Variants in BIN2 observed in about 807,000 individuals in gnomAD.
BIN2 encodes breast cancer associated protein BRAP1.
In BIN2, 43 loss-of-function variants were observed where a neutral mutation model predicts 67.9. That is an observed-to-expected ratio of 0.63 (90% CI 0.50 to 0.82). The LOEUF (loss-of-function observed/expected upper bound fraction) is 0.82. BIN2 is among the 40% of genes least tolerant of loss of function. The pLI, the probability that BIN2 is intolerant of heterozygous loss-of-function variation, is 0.00. For missense variants in BIN2, 581 were observed against 671.6 expected, an observed-to-expected ratio of 0.87 and a Z score of 1.49; for synonymous variants, 244 against 246.8, an observed-to-expected ratio of 0.99 and a Z score of 0.11.
intron 2 of BIN2, among the ~76,000 whole-genome samples, chr12:51,308,245 C>T (rs1285301205): frequency 6.6e-6 from 1 of 152,208 alleles, no homozygotes; most frequent in African/African-American, 2.4e-5. Flanking sequence ...TAGCAAGTTA[C>T]TCCACTTCTC....
At chr12:51,288,686 C>G (rs963664639) in intron 10 of BIN2, among the ~76,000 whole-genome samples, 1 of 151,962 alleles carries the variant, frequency 6.6e-6, no homozygotes, top group Non-Finnish European at 1.5e-5. Flanking sequence ...TTGTTGCCAT[C>G]TAGTCAGACA....
intron 2 of BIN2, among the ~76,000 whole-genome samples, chr12:51,308,608 G>C (rs947721842): frequency 2.0e-5 from 3 of 152,178 alleles, no homozygotes; most frequent in African/African-American, 7.2e-5. Context: ...AAGTGATCAA[G>C]TGTTGAAAGT....
chr12:51,312,546 T>C lies in BIN2; in HGVS notation c.162+1277A>G, dbSNP rs896498145. Reference sequence around the variant, plus strand: ...TCTGTTCGTTACTTAGGTTGCCGAATGAAATGATATATCTAGAATTTGTTT... The same window carrying C: ...TCTGTTCGTTACTTAGGTTGCCGAACGAAATGATATATCTAGAATTTGTTT... On this transcript the variant is annotated intron_variant, in intron 2 of 12. Coordinates refer to ENST00000615107, the MANE Select transcript of BIN2 (RefSeq NM_016293.4). Among the ~76,000 whole-genome samples the C allele has an allele frequency of 8.5e-5, 13 of 152,196 alleles. No individual in the cohort carries two copies. In the East Asian group the frequency reaches 9.6e-4, roughly 11 times the overall value.
At chr12:51,311,384 C>CTTATTTA (rs149960700) in intron 2 of BIN2, among the ~76,000 whole-genome samples, 19,832 of 151,762 alleles carry the variant, frequency 0.13, 1,425 homozygotes, top group East Asian at 0.24. Flanking sequence ...TTTATTTATA[C>CTTATTTA]TTTATTCATT....
At chr12:51,296,881 T>A (rs2137379989) in intron 8 of BIN2, among the ~76,000 whole-genome samples, 1 of 152,332 alleles carries the variant, frequency 6.6e-6, no homozygotes, top group African/African-American at 2.4e-5. Context: ...ACTCAGTTGT[T>A]AAGGGAGATG....
chr12:51,307,073 A>G (rs535476914), intron 2 of BIN2, among the ~76,000 whole-genome samples: 21 of 151,884 alleles, frequency 1.4e-4, no homozygotes, highest in African/African-American at 4.6e-4. Flanking sequence ...TTGTGAGGTC[A>G]AGAGATCGAG....
In BIN2 at chr12:51,321,876, CTT is replaced by C. The variant is rs146297664; in HGVS notation, c.81+2144_81+2145del. On this transcript the variant is annotated intron_variant, in intron 1 of 12. Transcript: ENST00000615107. ...TTCATTTTAGTGCAAATTTCTCCCT[CTT>C]TATCTTGGTCTCAATAACTTCCCAA... 5.3e-4 allele frequency among the ~76,000 whole-genome samples: 81 copies of C among 152,364 alleles called. 1 individual carries two copies. In the East Asian group the frequency reaches 0.015, roughly 29 times the overall value.
At chr12:51,315,156 A>ATTG in intron 1 of BIN2, among the ~76,000 whole-genome samples, 1 of 151,154 alleles carries the variant, frequency 6.6e-6, no homozygotes, top group African/African-American at 2.4e-5. Context: ...GCTGGCTGGC[A>ATTG]TTGTTATTAT....
chr12:51,313,733 G>C (rs1946054973), intron 2 of BIN2, 90 bp downstream of exon 2: 4 of 1,197,112 alleles, frequency 3.3e-6, no homozygotes, highest in Non-Finnish European at 5.0e-6. Context: ...GGAGATGTTT[G>C]CCAGTTTGCA....
At chr12:51,287,013 G>T (rs1330555674) in intron 11 of BIN2, among the ~76,000 whole-genome samples, 1 of 152,040 alleles carries the variant, frequency 6.6e-6, no homozygotes, top group Non-Finnish European at 1.5e-5. Flanking sequence ...GTAGAGATGG[G>T]TTTTTCCTAT....
chr12:51,324,547 C>T (rs1387090754), upstream of BIN2: 6 of 1,528,450 alleles, frequency 3.9e-6, no homozygotes, highest in South Asian at 6.0e-5. Context: ...TCTGAGTATG[C>T]ATGCGAAGCC....
rs116566748 is a variant in BIN2 at position 51,301,396 on chromosome 12, A to G, written c.408+624T>C. On this transcript the variant is annotated intron_variant, in intron 5 of 12. Coordinates refer to ENST00000615107, the MANE Select transcript of BIN2 (RefSeq NM_016293.4). ...TTGATTGCTCCATGTTTCCTCTTCTATACAATAAACATCTTTAGTGCCATC... is the reference window on the plus strand; with the variant it reads ...TTGATTGCTCCATGTTTCCTCTTCTGTACAATAAACATCTTTAGTGCCATC... Among the ~76,000 whole-genome samples, 235 of 152,304 alleles carry G rather than the reference A, an allele frequency of 1.5e-3. 2 individuals are homozygous for G. Among genetic ancestry groups the G allele is most frequent in the African/African-American group, 5.4e-3 (225 of 41,570 alleles).
At chr12:51,295,003 G>C (rs1160954876) in intron 9 of BIN2, among the ~76,000 whole-genome samples, 3 of 152,116 alleles carry the variant, frequency 2.0e-5, no homozygotes, top group Non-Finnish European at 2.9e-5. Context: ...CATGATCATA[G>C]CTCACTGCAC....
Position 51,291,945 on chromosome 12 carries a change from T to A in BIN2, c.1161A>T (p.Val387=). The part of the protein sequence containing the change: ...SGQPSSSATE[V]VLRTRTASEG... ...CACTTGCGGTGCGGGTTCGGAGGACTACTTCTGTGGCAGATGATGAAGGCT... is the reference window on the plus strand; with the variant it reads ...CACTTGCGGTGCGGGTTCGGAGGACAACTTCTGTGGCAGATGATGAAGGCT... Residue 387 remains valine (V), a synonymous_variant, in exon 10 of 13, where the codon GTA becomes GTT. Coordinates refer to ENST00000615107, the MANE Select transcript of BIN2 (RefSeq NM_016293.4). 1 of 1,614,204 alleles carries A rather than the reference T, an allele frequency of 6.2e-7. No homozygotes were observed. The highest frequency in any genetic ancestry group is 8.5e-7 in the Non-Finnish European group (1 of 1,180,034).
At chr12:51,300,269 TA>T (rs1945687541) in intron 5 of BIN2, among the ~76,000 whole-genome samples, 1 of 151,880 alleles carries the variant, frequency 6.6e-6, no homozygotes, top group South Asian at 2.1e-4. Flanking sequence ...ATATATGTAA[TA>T]GATATATAAT....
chr12:51,297,417 A>T (rs1945594978), intron 7 of BIN2: 1 of 299,006 alleles, frequency 3.3e-6, no homozygotes. Context: ...AAAAAAAAAA[A>T]TTAGCCGGGC....
At chr12:51,292,824 T>C (rs1029266577) in intron 9 of BIN2, among the ~76,000 whole-genome samples, 2 of 152,184 alleles carry the variant, frequency 1.3e-5, no homozygotes, top group Admixed American at 1.3e-4. Context: ...TCTCAAACTG[T>C]AAACAAATGT....
intron 1 of BIN2, among the ~76,000 whole-genome samples, chr12:51,317,583 C>T (rs1469556845): frequency 2.0e-5 from 3 of 151,358 alleles, no homozygotes; most frequent in Admixed American, 6.6e-5. Context: ...GCAGGAGAAT[C>T]GGTTAAAGGG....
chr12:51,314,594 G>A, intron 1 of BIN2, among the ~76,000 whole-genome samples: 1 of 151,918 alleles, frequency 6.6e-6, no homozygotes, highest in Admixed American at 6.6e-5. Flanking sequence ...TAAGTCGGGA[G>A]TTCGAGGCCA....
Sources: allele counts gnomAD v4.1 joint callset (sites outside exome capture counted in the v4.1 genomes callset), GRCh38; gene constraint gnomAD v4.1.1; transcripts MANE v1.5; gene names NCBI Gene and HGNC (gene_info 2026-07-23, HGNC 2026-07-21).